The following SCAPER variants were observed in gnomAD, a reference collection of about 807,000 sequenced individuals.
SCAPER encodes S-phase cyclin A associated protein in the ER.
Under a neutral mutation model 182.2 loss-of-function variants are expected in SCAPER, and 98 were observed. The observed-to-expected ratio is 0.54, with a 90% confidence interval of 0.46 to 0.64. The LOEUF (loss-of-function observed/expected upper bound fraction) is 0.64. SCAPER is among the 30% of genes least tolerant of loss of function. The pLI, the probability that SCAPER is intolerant of heterozygous loss-of-function variation, is 0.00. For missense variants in SCAPER, 1,432 were observed against 1,690.0 expected, an observed-to-expected ratio of 0.85 and a Z score of 2.68; for synonymous variants, 605 against 564.6, an observed-to-expected ratio of 1.07 and a Z score of -1.01.
At chr15:76,593,513 T>C (rs1463208552) in intron 22 of SCAPER, among the ~76,000 whole-genome samples, 1 of 121,350 alleles carries the variant, frequency 8.2e-6, no homozygotes, top group African/African-American at 2.5e-5. Context: ...CTGATCCCCA[T>C]GCCTCCTGAC....
chr15:76,717,377 T>C (rs2059943638), intron 17 of SCAPER, among the ~76,000 whole-genome samples: 1 of 152,104 alleles, frequency 6.6e-6, no homozygotes, highest in Admixed American at 6.5e-5. Flanking sequence ...CTTAGTCAAA[T>C]CAGAATACTT....
At chr15:76,681,216 C>T (rs1381265475) in intron 20 of SCAPER, among the ~76,000 whole-genome samples, 4 of 152,134 alleles carry the variant, frequency 2.6e-5, no homozygotes, top group Admixed American at 6.5e-5. Context: ...AAAATCTATT[C>T]CTAACCCTAT....
At chr15:76,444,641 AC>A (rs2142740344) in intron 25 of SCAPER, among the ~76,000 whole-genome samples, 1 of 152,262 alleles carries the variant, frequency 6.6e-6, no homozygotes, top group Admixed American at 6.5e-5. Flanking sequence ...CAAATTTGGG[AC>A]CATTTCAGCT....
intron 20 of SCAPER, among the ~76,000 whole-genome samples, chr15:76,672,579 A>C (rs2057102641): frequency 1.3e-5 from 2 of 152,308 alleles, no homozygotes; most frequent in South Asian, 4.1e-4. Flanking sequence ...AGGAATAAAA[A>C]CAAAACAGAA....
At chr15:76,861,695 G>A (rs1014802258) in intron 3 of SCAPER, 2 of 151,654 alleles carry the variant, frequency 1.3e-5, no homozygotes, top group Non-Finnish European at 2.9e-5. Context: ...ACCTAATTAT[G>A]GTAAATATGA....
intron 1 of SCAPER, among the ~76,000 whole-genome samples, chr15:76,886,421 A>C (rs1212292411): frequency 1.3e-5 from 2 of 152,222 alleles, no homozygotes; most frequent in African/African-American, 4.8e-5. Flanking sequence ...CAGAGGTTGC[A>C]GTGAGCCAAG....
At chr15:76,450,671 A>T (rs1165411284) in intron 25 of SCAPER, among the ~76,000 whole-genome samples, 1 of 152,130 alleles carries the variant, frequency 6.6e-6, no homozygotes, top group African/African-American at 2.4e-5. Flanking sequence ...CTCGTGCCTC[A>T]GCCTCCTGAG....
intron 23 of SCAPER, among the ~76,000 whole-genome samples, chr15:76,550,495 C>T (rs1403740528): frequency 6.6e-6 from 1 of 152,112 alleles, no homozygotes. Context: ...GCTTCCAGTT[C>T]CATCCATGTC....
intron 21 of SCAPER, among the ~76,000 whole-genome samples, chr15:76,623,310 T>A (rs558256258): frequency 6.6e-6 from 1 of 152,202 alleles, no homozygotes; most frequent in Non-Finnish European, 1.5e-5. Context: ...TAGTCATAAA[T>A]TCATTGCCAA....
At chr15:76,454,782 A>T (rs933519461) in intron 25 of SCAPER, among the ~76,000 whole-genome samples, 2 of 152,134 alleles carry the variant, frequency 1.3e-5, no homozygotes, top group African/African-American at 4.8e-5. Context: ...GCATAATTTA[A>T]CATTGAAATG....
intron 21 of SCAPER, among the ~76,000 whole-genome samples, chr15:76,656,921 T>C (rs279997): frequency 0.15 from 23,437 of 152,122 alleles, 2,032 homozygotes; most frequent in African/African-American, 0.24. Flanking sequence ...AAGTTTATAG[T>C]GCTAAACTAC....
intron 25 of SCAPER, among the ~76,000 whole-genome samples, chr15:76,461,834 T>G (rs2049205136): frequency 1.3e-5 from 2 of 152,206 alleles, no homozygotes. Flanking sequence ...TGGATTCTGC[T>G]ATATTTCTCT....
intron 16 of SCAPER, among the ~76,000 whole-genome samples, chr15:76,730,780 G>C (rs1306015687): frequency 2.0e-5 from 3 of 152,096 alleles, no homozygotes; most frequent in African/African-American, 7.2e-5. Flanking sequence ...ATCCTAAACT[G>C]ATCTTATAAA....
intron 17 of SCAPER, among the ~76,000 whole-genome samples, chr15:76,709,338 G>T (rs1046002264): frequency 6.6e-6 from 1 of 152,076 alleles, no homozygotes; most frequent in African/African-American, 2.4e-5. Flanking sequence ...GTTTCACCAT[G>T]TTGGCCAGGA....
intron 20 of SCAPER, among the ~76,000 whole-genome samples, chr15:76,695,979 G>A (rs1415212511): frequency 6.6e-6 from 1 of 152,048 alleles, no homozygotes; most frequent in Non-Finnish European, 1.5e-5. Flanking sequence ...TATTAGATGG[G>A]AAAAAAACCA....
chr15:76,666,847 C>T (rs1220782502), intron 20 of SCAPER, among the ~76,000 whole-genome samples: 1 of 152,226 alleles, frequency 6.6e-6, no homozygotes, highest in Non-Finnish European at 1.5e-5. Flanking sequence ...CATATGTGCC[C>T]GTACACTCTC....
chr15:76,394,356 AC>A (rs2142045407), intron 27 of SCAPER, among the ~76,000 whole-genome samples: 1 of 152,232 alleles, frequency 6.6e-6, no homozygotes, highest in South Asian at 2.1e-4. Context: ...AAAGATTCAA[AC>A]CTGACTGGAA....
chr15:76,399,334 C>T (rs1291528155), intron 27 of SCAPER, among the ~76,000 whole-genome samples: 1 of 152,094 alleles, frequency 6.6e-6, no homozygotes, highest in African/African-American at 2.4e-5. Flanking sequence ...GATGGGGTTT[C>T]ACCATGTTGG....
chr15:76,711,882 T>C (rs954913092), intron 17 of SCAPER, among the ~76,000 whole-genome samples: 9 of 152,154 alleles, frequency 5.9e-5, no homozygotes, highest in African/African-American at 2.2e-4. Context: ...TCCCATTCTG[T>C]AGGTTGCCTG....
Sources: allele counts gnomAD v4.1 joint callset (sites outside exome capture counted in the v4.1 genomes callset), GRCh38; gene constraint gnomAD v4.1.1; transcripts MANE v1.5; gene names NCBI Gene and HGNC (gene_info 2026-07-23, HGNC 2026-07-21).